TTLL4: variants seen among roughly 807,000 people sequenced by gnomAD.
TTLL4 encodes the protein tubulin monoglutamylase TTLL4.
In TTLL4, 85 loss-of-function variants were observed where a neutral mutation model predicts 122.7. That is an observed-to-expected ratio of 0.69 (90% confidence interval 0.58 to 0.83). TTLL4 has a LOEUF of 0.83. TTLL4 is among the 40% of genes least tolerant of loss of function. TTLL4 has a pLI of 0.00. For missense variants in TTLL4, 1,363 were observed against 1,488.6 expected (o/e 0.92, Z 1.39); for synonymous variants, 553 against 563.0 (o/e 0.98, Z 0.25).
chr2:218,744,346 T>C (rs865938835), intron 5 of TTLL4, among the ~76,000 whole-genome samples: 2 of 152,236 alleles, frequency 1.3e-5, no homozygotes, highest in Middle Eastern at 3.2e-3. Flanking sequence ...GTTAAAGGAA[T>C]GATCTTGGTC....
intron 2 of TTLL4, among the ~76,000 whole-genome samples, chr2:218,733,155 T>C (rs1942425259): frequency 6.6e-6 from 1 of 152,176 alleles, no homozygotes; most frequent in Non-Finnish European, 1.5e-5. Context: ...TCCAGACATA[T>C]TTCTTTAGGA....
At chr2:218,728,949 G>T (rs559699210) in intron 2 of TTLL4, among the ~76,000 whole-genome samples, 26 of 148,754 alleles carry the variant, frequency 1.7e-4, no homozygotes, top group East Asian at 1.6e-3. Flanking sequence ...TTTGGCGGGG[G>T]GGGGCATAGT....
chr2:218,734,559 A>G (rs1293958260), intron 2 of TTLL4, among the ~76,000 whole-genome samples: 1 of 152,116 alleles, frequency 6.6e-6, no homozygotes, highest in Non-Finnish European at 1.5e-5. Flanking sequence ...CTGATTTTTT[A>G]AGTTGGGTGA....
Position 218,752,746 on chromosome 2 carries a change from T to G in TTLL4, c.2977-17T>G. On this transcript the variant is annotated splice_polypyrimidine_tract_variant and intron_variant, in intron 16 of 19. Coordinates refer to ENST00000392102, the MANE Select transcript of TTLL4 (RefSeq NM_014640.5). ...CACTCTCTCACACCCTTTTTCTCCC[T>G]GTTCCTTGGACCACAGGACTTCTAT... is the stretch of plus-strand genomic sequence containing the variant. 1 of 1,613,948 alleles carries G rather than the reference T, an allele frequency of 6.2e-7. No individual in the cohort carries two copies. The highest frequency in any genetic ancestry group is 1.7e-4 in the Middle Eastern group (1 of 6,028).
At chr2:218,741,059 C>T (rs1942685853) in intron 5 of TTLL4, among the ~76,000 whole-genome samples, 1 of 151,770 alleles carries the variant, frequency 6.6e-6, no homozygotes, top group African/African-American at 2.4e-5. Flanking sequence ...GGTGATGGAG[C>T]AAGACTTTGT....
rs753665463 is a variant in TTLL4 at position 218,738,676 on chromosome 2, A to AT, written c.1002dup (p.Arg335SerfsTer4). On this transcript the variant is annotated frameshift_variant, in exon 3 of 20. Transcript: ENST00000392102. LOFTEE classifies it high-confidence loss of function. ...TGATTCCCAGGATCCAACTAAGGAGATTCGGTTCACTGAGGCCGTGAGGAA... is the reference window on the plus strand; with the variant it reads ...TGATTCCCAGGATCCAACTAAGGAGATTTCGGTTCACTGAGGCCGTGAGGAA... The AT allele has an allele frequency of 6.2e-7, 1 of 1,614,178 alleles. No homozygotes were observed. The highest frequency in any genetic ancestry group is 8.5e-7 in the Non-Finnish European group (1 of 1,180,034).
intron 2 of TTLL4, among the ~76,000 whole-genome samples, chr2:218,731,113 A>AG: frequency 9.1e-6 from 1 of 110,060 alleles, no homozygotes; most frequent in African/African-American, 4.0e-5. Flanking sequence ...CCTTGTCTAA[A>AG]AAAAAAAAAA....
At position 218,747,421 on chromosome 2, in the gene TTLL4, C is replaced by A. The variant is rs1942875632; in HGVS notation, c.2249+49C>A. ...TACCCCATCCTCCCACCTCCTTGGC[C>A]TCGAGGTTCCCTTCTTACAATGTTC... On this transcript the variant is annotated intron_variant, in intron 10 of 19. Transcript: ENST00000392102. The surrounding 1 kb of genome is among the most constrained non-coding windows in gnomAD (Gnocchi z 4.7). 3 of 1,599,018 alleles carry A rather than the reference C, an allele frequency of 1.9e-6. No individual in the cohort carries two copies. The highest frequency in any genetic ancestry group is 1.1e-5 in the South Asian group (1 of 89,904).
intron 2 of TTLL4, among the ~76,000 whole-genome samples, chr2:218,735,898 T>C (rs1021706010): frequency 6.6e-6 from 1 of 151,088 alleles, no homozygotes; most frequent in African/African-American, 2.4e-5. Context: ...CTTGAACTCC[T>C]GACCTCGTGA....
At chr2:218,739,343 T>G (rs1280742661) in intron 3 of TTLL4, among the ~76,000 whole-genome samples, 180 bp downstream of exon 3, 1 of 152,248 alleles carries the variant, frequency 6.6e-6, no homozygotes, top group Non-Finnish European at 1.5e-5. Context: ...TCTTGCTTGT[T>G]GCCTGCTTTT....
At chr2:218,715,457 CAT>C (rs1486362820) in intron 1 of TTLL4, among the ~76,000 whole-genome samples, 1 of 152,174 alleles carries the variant, frequency 6.6e-6, no homozygotes. Context: ...GATTCTGTAA[CAT>C]GTGATACAGT....
rs1943098075 is a variant in TTLL4 at position 218,754,116 on chromosome 2, A to T, written c.3345-18A>T. ...AAACAGTGTCTCAGTCATTTCTTTCACCACCTATTCCCTCCAGAAAACAAA... is the reference window on the plus strand; with the variant it reads ...AAACAGTGTCTCAGTCATTTCTTTCTCCACCTATTCCCTCCAGAAAACAAA... On this transcript the variant is annotated intron_variant, in intron 19 of 19. Coordinates refer to ENST00000392102, the MANE Select transcript of TTLL4 (RefSeq NM_014640.5). The T allele has an allele frequency of 6.2e-7, 1 of 1,613,354 alleles. No homozygotes were observed. The highest frequency in any genetic ancestry group is 1.3e-5 in the African/African-American group (1 of 74,770).
At chr2:218,714,936 T>C (rs1024489084) in intron 1 of TTLL4, among the ~76,000 whole-genome samples, 7 of 152,306 alleles carry the variant, frequency 4.6e-5, no homozygotes, top group East Asian at 1.9e-4. Flanking sequence ...AACTGAAATA[T>C]TCATTTAGAA....
rs1429910775 is a variant in TTLL4, at chr2:218,710,887, A to G, written c.-328A>G. 2.0e-5 allele frequency: 3 copies of G among 152,330 alleles called. No homozygotes were observed. The highest frequency in any genetic ancestry group is 2.1e-4 in the South Asian group (1 of 4,832). The allele number at this position is 152,330 out of a possible 1,614,324, so 9.4% of individuals were successfully genotyped here. On this transcript the variant is annotated 5_prime_UTR_variant, in exon 1 of 20. Transcript: ENST00000392102. ...GCTGGGGGCGCGCGCGGTGTGTGGC[A>G]GGCGGCAGCGGCGCTGGCGGCCGAG...
At chr2:218,732,653 C>A (rs80272869) in intron 2 of TTLL4, among the ~76,000 whole-genome samples, 1 of 152,174 alleles carries the variant, frequency 6.6e-6, no homozygotes, top group Non-Finnish European at 1.5e-5. Flanking sequence ...TCCTTCACTT[C>A]TTAGATTTTG....
In TTLL4 at chr2:218,738,126, A is replaced by G. The variant is rs144943141; in HGVS notation, c.450A>G (p.Gln150=). The change falls in exon 3 of 20, where the codon CAA becomes CAG. Residue 150 remains glutamine, a synonymous_variant. Transcript: ENST00000392102. ...AAAAAAGCCCTTTTTCTCTCCCTCAAAAGAGCCTCCCTGTCAGTCTCACTG... is the reference window on the plus strand; with the variant it reads ...AAAAAAGCCCTTTTTCTCTCCCTCAGAAGAGCCTCCCTGTCAGTCTCACTG... The part of the protein sequence containing the change: ...PSEKSPFSLP[Q]KSLPVSLTAN... The G allele has an allele frequency of 7.4e-6, 12 of 1,613,824 alleles. No homozygotes were observed. Among genetic ancestry groups the G allele is most frequent in the Admixed American group, 5.0e-5 (3 of 59,974 alleles).
chr2:218,722,145 G>C (rs532827512), intron 1 of TTLL4, among the ~76,000 whole-genome samples: 1 of 152,024 alleles, frequency 6.6e-6, no homozygotes, highest in East Asian at 1.9e-4. Context: ...AGCTGGGTGC[G>C]GTGGAACACA....
intron 2 of TTLL4, among the ~76,000 whole-genome samples, chr2:218,731,041 G>A (rs1942366418): frequency 6.6e-6 from 1 of 151,966 alleles, no homozygotes; most frequent in African/African-American, 2.4e-5. Flanking sequence ...GAGCCCAGGA[G>A]TCCTAGGCTG....
downstream of TTLL4, among the ~76,000 whole-genome samples, chr2:218,758,993 CAG>C (rs1485744142): frequency 1.3e-5 from 2 of 152,222 alleles, no homozygotes; most frequent in East Asian, 3.8e-4. Flanking sequence ...CCTATAATCC[CAG>C]CACTTTGGGA....
Sources: allele counts gnomAD v4.1 joint callset (sites outside exome capture counted in the v4.1 genomes callset), GRCh38; gene constraint gnomAD v4.1.1; non-coding constraint Gnocchi (gnomAD v3.1); transcripts MANE v1.5; gene names NCBI Gene and HGNC (gene_info 2026-07-23, HGNC 2026-07-21).